The following ERC1 variants were observed in gnomAD, a reference collection of about 807,000 sequenced individuals.
The protein encoded by ERC1 is RAB6 interacting protein 2.
In ERC1, 56 loss-of-function variants were observed where a neutral mutation model predicts 132.0. The ratio of observed to expected loss-of-function variants is 0.42; its 90% CI spans 0.34 to 0.53. The LOEUF (loss-of-function observed/expected upper bound fraction) is 0.53, where lower values mean the gene tolerates loss of function less well. Ranked by LOEUF, ERC1 falls within the 20% of genes least tolerant of loss-of-function variation. ERC1 has a pLI of 0.03. For synonymous variants in ERC1, 478 were observed against 476.1 expected (o/e 1.00, Z -0.05); for missense variants, 1,202 against 1,349.9 (o/e 0.89, Z 1.72).
chr12:1,119,308 C>G (rs1946802021), intron 7 of ERC1, among the ~76,000 whole-genome samples: 1 of 151,394 alleles, frequency 6.6e-6, no homozygotes, highest in Non-Finnish European at 1.5e-5. Flanking sequence ...CTAAGGCCCT[C>G]TGGTGTTATA....
chr12:1,200,144 T>G (rs182922879), intron 12 of ERC1, among the ~76,000 whole-genome samples: 7 of 152,292 alleles, frequency 4.6e-5, no homozygotes, highest in Non-Finnish European at 7.4e-5. Context: ...TCTAAAATTT[T>G]TATACAATGA....
At position 1,494,030 on chromosome 12, in the gene ERC1, T is replaced by C. The variant is rs1337293523; in HGVS notation, c.*3800T>C. The C allele has an allele frequency of 4.3e-6, 1 of 232,208 alleles. No individual in the cohort carries two copies. 14.4% of individuals were successfully genotyped at this position (232,208 alleles called of 1,614,324 possible). A position where few individuals can be genotyped will look rare whatever the true frequency, so the allele number is the denominator to read the frequency against. On this transcript the variant is annotated 3_prime_UTR_variant, in exon 19 of 19. Coordinates refer to ENST00000360905, the MANE Select transcript of ERC1 (RefSeq NM_178040.4). The stretch of plus-strand genomic sequence containing the variant: ...AACCATCCCGCCCTCCTGTTGACCA[T>C]GTTACTTGAGTGTAGGCCCGGTGTC...
At chr12:1,119,769 C>T (rs568989652) in intron 7 of ERC1, among the ~76,000 whole-genome samples, 16 of 152,084 alleles carry the variant, frequency 1.1e-4, no homozygotes, top group East Asian at 9.7e-4. Context: ...AGGCTGGTCT[C>T]GAACTCCCGA....
At chr12:1,310,240 T>C (rs2081206105) in intron 15 of ERC1, among the ~76,000 whole-genome samples, 1 of 152,080 alleles carries the variant, frequency 6.6e-6, no homozygotes, top group East Asian at 1.9e-4. Context: ...TTTTATTTTA[T>C]TTTGAGGAAC....
intron 15 of ERC1, among the ~76,000 whole-genome samples, chr12:1,314,515 T>C (rs2081549779): frequency 6.6e-6 from 1 of 152,172 alleles, no homozygotes; most frequent in South Asian, 2.1e-4. Flanking sequence ...TTTTAAAAAA[T>C]GCGCAAAAAC....
rs757949030 is a variant in ERC1 at position 1,255,621 on chromosome 12, CTTTTTTTTTTTTT to C, written c.2488-7396_2488-7384del. The stretch of plus-strand genomic sequence containing the variant: ...TCTTCAGCATCTGTTGCTTCCTGGC[CTTTTTTTTTTTTT>C]TTTTTTTTTTTTTTTTGAGACGGAG... On this transcript the variant is annotated intron_variant, in intron 13 of 18. Coordinates refer to ENST00000360905, the MANE Select transcript of ERC1 (RefSeq NM_178040.4). Among the ~76,000 whole-genome samples the C allele has an allele frequency of 6.5e-5, 4 of 61,558 alleles. No individual in the cohort carries two copies. In the East Asian group the frequency reaches 2.0e-3, roughly 31 times the overall value. 40.4% of individuals were successfully genotyped at this position (61,558 alleles called of 152,430 possible).
intron 16 of ERC1, among the ~76,000 whole-genome samples, chr12:1,396,313 A>G (rs1230747068): frequency 1.3e-5 from 2 of 152,246 alleles, no homozygotes; most frequent in African/African-American, 4.8e-5. Flanking sequence ...TGTTAGACTC[A>G]TTGCCAAAAA....
chr12:1,477,451 G>A (rs2093997063), intron 18 of ERC1, among the ~76,000 whole-genome samples: 1 of 152,110 alleles, frequency 6.6e-6, no homozygotes, highest in Non-Finnish European at 1.5e-5. Context: ...GTGTGAGACT[G>A]AGCAGAAAGA....
At chr12:1,450,527 C>T (rs1374195283) in intron 18 of ERC1, among the ~76,000 whole-genome samples, 2 of 152,208 alleles carry the variant, frequency 1.3e-5, no homozygotes, top group Admixed American at 6.5e-5. Context: ...ACCACATTTT[C>T]CTTATTCATT....
At chr12:1,381,751 A>C (rs115226445) in intron 16 of ERC1, among the ~76,000 whole-genome samples, 3,198 of 152,214 alleles carry the variant, frequency 0.021, 98 homozygotes, top group African/African-American at 0.072. Context: ...TCCTCAGCTC[A>C]ATCTCCACTT....
intron 11 of ERC1, among the ~76,000 whole-genome samples, chr12:1,189,203 G>A (rs1255845952): frequency 6.6e-6 from 1 of 152,192 alleles, no homozygotes; most frequent in Non-Finnish European, 1.5e-5. Flanking sequence ...TCAAGCCACT[G>A]AGCCCATCCT....
At chr12:1,477,285 A>C (rs1291518316) in intron 18 of ERC1, among the ~76,000 whole-genome samples, 1 of 152,274 alleles carries the variant, frequency 6.6e-6, no homozygotes, top group Non-Finnish European at 1.5e-5. Context: ...TAAAGCACTT[A>C]GAATAATACT....
intron 16 of ERC1, among the ~76,000 whole-genome samples, chr12:1,382,175 G>A (rs375095975): frequency 6.1e-4 from 93 of 152,284 alleles, no homozygotes; most frequent in African/African-American, 2.1e-3. Context: ...AATCTTGAAC[G>A]TAATAACACC....
At chr12:1,467,357 G>A (rs1020130856) in intron 18 of ERC1, among the ~76,000 whole-genome samples, 13 of 152,186 alleles carry the variant, frequency 8.5e-5, no homozygotes, top group African/African-American at 1.2e-4. Context: ...TCTCCTTAGC[G>A]TGCCCAGTGT....
Position 1,263,061 on chromosome 12 carries a change from A to T in ERC1, c.2515A>T (p.Ile839Phe). 2 of 1,614,076 alleles carry T rather than the reference A, an allele frequency of 1.2e-6. No homozygotes were observed. The highest frequency in any genetic ancestry group is 1.7e-6 in the Non-Finnish European group (2 of 1,179,968). ...CAGTCTCCGTAAGAAGGATGACAGG[A>T]TTGAAGAGCTGGAAGAAGCACTAAG... ...QDSLRKKDDR[I>F]EELEEALRES... is the part of the protein sequence containing the mutation. The change falls in exon 14 of 19, where the codon ATT becomes TTT. Residue 839 changes from isoleucine (I) to phenylalanine (F), a missense_variant. Coordinates refer to ENST00000360905, the MANE Select transcript of ERC1 (RefSeq NM_178040.4).
At chr12:1,246,439 C>T (rs551703031) in intron 13 of ERC1, among the ~76,000 whole-genome samples, 2 of 152,150 alleles carry the variant, frequency 1.3e-5, no homozygotes, top group South Asian at 2.1e-4. Flanking sequence ...TATGGACAGA[C>T]GGCTCTTTCT....
chr12:1,182,384 A>G (rs1456187818), intron 10 of ERC1, among the ~76,000 whole-genome samples: 1 of 152,244 alleles, frequency 6.6e-6, no homozygotes, highest in African/African-American at 2.4e-5. Context: ...AAGTTGACAG[A>G]TAAAAGGAAT....
chr12:1,218,329 C>T (rs1958617495), intron 12 of ERC1, among the ~76,000 whole-genome samples: 1 of 152,092 alleles, frequency 6.6e-6, no homozygotes, highest in African/African-American at 2.4e-5. Context: ...CCTTCTCCCT[C>T]CTTTCAAATT....
At chr12:1,204,962 C>T (rs897490932) in intron 12 of ERC1, among the ~76,000 whole-genome samples, 2 of 152,162 alleles carry the variant, frequency 1.3e-5, no homozygotes, top group African/African-American at 2.4e-5. Flanking sequence ...CACACACCCA[C>T]ATCCTTTAAA....
Sources: allele counts gnomAD v4.1 joint callset (sites outside exome capture counted in the v4.1 genomes callset), GRCh38; gene constraint gnomAD v4.1.1; transcripts MANE v1.5; gene names NCBI Gene and HGNC (gene_info 2026-07-23, HGNC 2026-07-21).